The following SYT1 variants were observed in gnomAD, a reference collection of about 807,000 sequenced individuals.
The protein encoded by SYT1 is synaptotagmin 1.
A neutral mutation model predicts 44.8 loss-of-function variants in SYT1; 8 were observed. The observed-to-expected ratio is 0.18, with a 90% CI of 0.10 to 0.32. The LOEUF (loss-of-function observed/expected upper bound fraction) is 0.32. Ranked by LOEUF, SYT1 falls within the 10% of genes least tolerant of loss-of-function variation. SYT1 has a pLI of 1.00. For missense variants in SYT1, 286 were observed against 509.3 expected, an observed-to-expected ratio of 0.56 and a Z score of 4.22; for synonymous variants, 154 against 188.8, an observed-to-expected ratio of 0.82 and a Z score of 1.51.
chr12:78,886,234 G>A (rs1367568256), intron 1 of SYT1, among the ~76,000 whole-genome samples: 1 of 151,806 alleles, frequency 6.6e-6, no homozygotes, highest in African/African-American at 2.4e-5. Context: ...ATTCACAAAC[G>A]TCAGAGAATG....
At chr12:79,378,893 G>T (rs2136067225) in intron 9 of SYT1, among the ~76,000 whole-genome samples, 1 of 152,236 alleles carries the variant, frequency 6.6e-6, no homozygotes, top group South Asian at 2.1e-4. Flanking sequence ...TTTTCTATCA[G>T]TTACTTGCAT....
chr12:79,224,740 TTTATTTATTTTTTATTATTATTA>T (rs1473332811), intron 4 of SYT1, among the ~76,000 whole-genome samples: 766 of 56,470 alleles, frequency 0.014, 6 homozygotes, highest in Non-Finnish European at 0.018. Flanking sequence ...TCATTTTTTA[TTTATTTATTTTTTATTATTATTA>T]TTATTATTAT....
chr12:78,992,497 A>T (rs552641433), intron 2 of SYT1, among the ~76,000 whole-genome samples: 1 of 152,366 alleles, frequency 6.6e-6, no homozygotes, highest in South Asian at 2.1e-4. Flanking sequence ...AAGTTACATC[A>T]AATGCAGCAA....
At chr12:79,360,745 G>A (rs559221996) in intron 9 of SYT1, among the ~76,000 whole-genome samples, 1 of 152,218 alleles carries the variant, frequency 6.6e-6, no homozygotes, top group East Asian at 1.9e-4. Flanking sequence ...TCAATTCTGG[G>A]ATACTTCAAA....
intron 8 of SYT1, among the ~76,000 whole-genome samples, chr12:79,336,537 A>G (rs1401285754): frequency 6.6e-6 from 1 of 151,066 alleles, no homozygotes; most frequent in Non-Finnish European, 1.5e-5. Flanking sequence ...TAAGTGTCCC[A>G]TTTGCATTTG....
intron 3 of SYT1, among the ~76,000 whole-genome samples, chr12:79,127,566 A>G (rs1868517973): frequency 6.6e-6 from 1 of 151,660 alleles, no homozygotes; most frequent in Admixed American, 6.5e-5. Context: ...CAGAGGAGTG[A>G]TGTGAGAATA....
At chr12:79,313,603 C>CAAAAAAAAAAAAAAAA (rs58288822) in intron 8 of SYT1, among the ~76,000 whole-genome samples, 1 of 101,196 alleles carries the variant, frequency 9.9e-6, no homozygotes, top group Non-Finnish European at 2.1e-5. Context: ...TTTTAAAAAG[C>CAAAAAAAAAAAAAAAA]AAAAAAAAAA....
At chr12:78,961,844 A>G (rs941661555) in intron 1 of SYT1, among the ~76,000 whole-genome samples, 2 of 150,146 alleles carry the variant, frequency 1.3e-5, no homozygotes, top group African/African-American at 4.8e-5. Flanking sequence ...GGACATAATC[A>G]TTTACTAAGT....
intron 3 of SYT1, among the ~76,000 whole-genome samples, chr12:79,119,528 C>G (rs1461866732): frequency 6.6e-6 from 1 of 151,870 alleles, no homozygotes; most frequent in East Asian, 1.9e-4. Context: ...TCCTTCTTAT[C>G]TACCCTTTCA....
chr12:79,349,006 A>G (rs1452207049), intron 8 of SYT1, among the ~76,000 whole-genome samples: 28 of 26,760 alleles, frequency 1.0e-3, no homozygotes, highest in South Asian at 2.5e-3. Flanking sequence ...AAGGAAAGAA[A>G]GAAAGAAAGA....
chr12:79,366,894 C>CTGTG (rs3995413), intron 9 of SYT1, among the ~76,000 whole-genome samples: 11,265 of 117,312 alleles, frequency 0.096, 628 homozygotes, highest in Admixed American at 0.13. Context: ...ATAAATAATA[C>CTGTG]TGTGTGTGTG....
intron 1 of SYT1, among the ~76,000 whole-genome samples, chr12:78,944,539 G>C (rs888967333): frequency 6.6e-6 from 1 of 151,842 alleles, no homozygotes; most frequent in Non-Finnish European, 1.5e-5. Context: ...GGGAAATGCA[G>C]TTATTAAAAA....
intron 7 of SYT1, among the ~76,000 whole-genome samples, chr12:79,297,501 T>C (rs1399232739): frequency 1.3e-5 from 2 of 152,114 alleles, no homozygotes; most frequent in Non-Finnish European, 2.9e-5. Context: ...GCTAATGTAT[T>C]GGGGCTTTGT....
At chr12:79,277,028 G>A (rs1878776475) in intron 4 of SYT1, among the ~76,000 whole-genome samples, 1 of 151,836 alleles carries the variant, frequency 6.6e-6, no homozygotes, top group Non-Finnish European at 1.5e-5. Context: ...GGAAGAAGAA[G>A]GAGAAGGGGA....
intron 9 of SYT1, among the ~76,000 whole-genome samples, chr12:79,373,602 C>CA (rs1314313779): frequency 6.6e-6 from 1 of 151,858 alleles, no homozygotes; most frequent in Non-Finnish European, 1.5e-5. Flanking sequence ...ATGGTCACAT[C>CA]AAAAAAATGC....
chr12:79,000,105 T>TTACTCTAAAG (rs1424764705), intron 2 of SYT1, among the ~76,000 whole-genome samples: 1 of 152,100 alleles, frequency 6.6e-6, no homozygotes, highest in African/African-American at 2.4e-5. Context: ...TAATTCAAAA[T>TTACTCTAAAG]TAATTCACCA....
At chr12:79,098,957 T>C (rs544161544) in intron 3 of SYT1, among the ~76,000 whole-genome samples, 35 of 152,274 alleles carry the variant, frequency 2.3e-4, no homozygotes, top group African/African-American at 7.9e-4. Context: ...AGAGCTTTAC[T>C]GCTGCCACTC....
At chr12:79,083,015 C>T (rs138285728) in intron 3 of SYT1, among the ~76,000 whole-genome samples, 50 of 149,824 alleles carry the variant, frequency 3.3e-4, no homozygotes, top group African/African-American at 1.2e-3. Context: ...AAGAAACAAA[C>T]AGACACAAAT....
At chr12:79,283,093 T>C (rs922728025) in intron 4 of SYT1, among the ~76,000 whole-genome samples, 1 of 152,166 alleles carries the variant, frequency 6.6e-6, no homozygotes, top group Non-Finnish European at 1.5e-5. Flanking sequence ...TTACTAAAAA[T>C]GGCTGTTTCT....
Sources: gnomAD v4.1 joint callset for allele counts (sites outside exome capture counted in the v4.1 genomes callset) on GRCh38, gnomAD v4.1.1 for gene constraint, MANE v1.5 for transcripts, NCBI Gene and HGNC (gene_info 2026-07-23, HGNC 2026-07-21) for gene names.